Variants in OSBPL3 observed in about 807,000 individuals in gnomAD.
The protein encoded by OSBPL3 is oxysterol-binding protein-related protein 3.
Under a neutral mutation model 120.1 loss-of-function variants are expected in OSBPL3, and 65 were observed. The ratio of observed to expected loss-of-function variants is 0.54; its 90% confidence interval spans 0.44 to 0.67. The LOEUF (loss-of-function observed/expected upper bound fraction) is 0.67. Ranked by LOEUF, OSBPL3 falls within the 30% of genes least tolerant of loss-of-function variation. The pLI, the probability that OSBPL3 is intolerant of heterozygous loss-of-function variation, is 0.00. For synonymous variants in OSBPL3, 416 were observed against 402.6 expected (o/e 1.03, Z -0.40); for missense variants, 1,004 against 1,082.1 (o/e 0.93, Z 1.01).
At chr7:24,807,419 G>A (rs1029792286) in intron 20 of OSBPL3, among the ~76,000 whole-genome samples, 6 of 152,080 alleles carry the variant, frequency 3.9e-5, no homozygotes, top group African/African-American at 1.4e-4. Flanking sequence ...CTTGAACCTG[G>A]GAGGCGGAGG....
chr7:24,806,727 G>A lies in OSBPL3; in HGVS notation c.2444+49C>T, dbSNP rs1193727339. The A allele has an allele frequency of 3.2e-6, 5 of 1,573,632 alleles. No homozygotes were observed. Among genetic ancestry groups the A allele is most frequent in the South Asian group, 2.3e-5 (2 of 85,672 alleles). ...CTAAGGATTGTTAATAAGACTTTTT[G>A]TAAAGGGTTTTACATCTCTGGAGAG... is the stretch of plus-strand genomic sequence containing the variant. On this transcript the variant is annotated intron_variant, in intron 21 of 22. Coordinates refer to ENST00000313367, the MANE Select transcript of OSBPL3 (RefSeq NM_015550.4). This position sits in a 1 kb window ranked among gnomAD's most constrained non-coding sequence, Gnocchi z 5.2.
intron 1 of OSBPL3, among the ~76,000 whole-genome samples, chr7:24,928,546 G>C (rs907739596): frequency 6.6e-6 from 1 of 152,140 alleles, no homozygotes; most frequent in African/African-American, 2.4e-5. Context: ...AGCAGTAAGA[G>C]AATACAGCAC....
intron 1 of OSBPL3, among the ~76,000 whole-genome samples, chr7:24,957,712 T>C (rs1584732857): frequency 6.6e-6 from 1 of 152,156 alleles, no homozygotes; most frequent in East Asian, 1.9e-4. Context: ...ACTTGGTTAC[T>C]GTGAGAACAG....
At chr7:24,960,998 T>C (rs1346999638) in intron 1 of OSBPL3, among the ~76,000 whole-genome samples, 3 of 152,222 alleles carry the variant, frequency 2.0e-5, no homozygotes, top group African/African-American at 7.2e-5. Context: ...GCAAGGGATA[T>C]GAATAATTAA....
chr7:24,907,757 C>A (rs573320965), intron 1 of OSBPL3, among the ~76,000 whole-genome samples: 6 of 152,198 alleles, frequency 3.9e-5, no homozygotes, highest in Non-Finnish European at 7.4e-5. Flanking sequence ...ACTCTGCTTT[C>A]CTTTTGCGCT....
At position 24,916,782 on chromosome 7, in the gene OSBPL3, T is replaced by C. The variant is rs1809603266; in HGVS notation, c.-149-24161A>G. ...ATAAGAAAAAAACGTGGTGCTTGGG[T>C]ATTTTCACTAGAGATGTAAATGGAA... On this transcript the variant is annotated intron_variant, in intron 1 of 22. Transcript: ENST00000313367. This position sits in a 1 kb window ranked among gnomAD's most constrained non-coding sequence, Gnocchi z 4.9. Among the ~76,000 whole-genome samples the C allele has an allele frequency of 6.6e-6, 1 of 152,130 alleles. No homozygotes were observed. The highest frequency in any genetic ancestry group is 6.6e-5 in the Admixed American group (1 of 15,264).
chr7:24,925,659 AT>A (rs1296106782), intron 1 of OSBPL3, among the ~76,000 whole-genome samples: 1 of 152,206 alleles, frequency 6.6e-6, no homozygotes. Context: ...AGCAGTTCCT[AT>A]TTTGATTGGA....
intron 5 of OSBPL3, among the ~76,000 whole-genome samples, chr7:24,868,115 G>A (rs1339003638): frequency 2.6e-5 from 4 of 152,074 alleles, no homozygotes; most frequent in Non-Finnish European, 4.4e-5. Flanking sequence ...TCAGGAGATC[G>A]AGACTGTCCT....
Position 24,817,607 on chromosome 7 carries a change from T to G in OSBPL3, c.1949-919A>C, listed in dbSNP as rs563888140. On this transcript the variant is annotated intron_variant, in intron 17 of 22. Transcript: ENST00000313367. The surrounding 1 kb of genome is among the most constrained non-coding windows in gnomAD (Gnocchi z 4.0). ...AGTGGAAATAATCAGGCCACTGATG[T>G]GATTAGACATGGACCTTGCAAAGGC... is the stretch of plus-strand genomic sequence containing the variant. Among the ~76,000 whole-genome samples the G allele has an allele frequency of 4.6e-5, 7 of 152,198 alleles. No homozygotes were observed. In the East Asian group the frequency reaches 1.2e-3, roughly 25 times the overall value.
intron 15 of OSBPL3, among the ~76,000 whole-genome samples, chr7:24,832,458 C>T (rs528360527): frequency 2.8e-5 from 4 of 141,928 alleles, no homozygotes; most frequent in South Asian, 2.2e-4. Context: ...TGCAGTGAGC[C>T]GAGATTGTGC....
intron 1 of OSBPL3, among the ~76,000 whole-genome samples, chr7:24,905,632 C>T (rs1484008570): frequency 6.6e-6 from 1 of 152,184 alleles, no homozygotes; most frequent in African/African-American, 2.4e-5. Context: ...CATTCTGACA[C>T]GCGTCCAGGG....
Position 24,899,670 on chromosome 7 carries a change from T to A in OSBPL3, c.-149-7049A>T, listed in dbSNP as rs573002159. Among the ~76,000 whole-genome samples the A allele has an allele frequency of 6.6e-6, 1 of 152,244 alleles. No individual in the cohort carries two copies. The highest frequency in any genetic ancestry group is 2.4e-5 in the African/African-American group (1 of 41,524). On this transcript the variant is annotated intron_variant, in intron 1 of 22. Transcript: ENST00000313367. The surrounding 1 kb of genome is among the most constrained non-coding windows in gnomAD (Gnocchi z 4.0). ...GAGAAGAGCACCAAGGGCATGGAGG[T>A]CTCTGCAGCCTGACATTAATTTGTC...
At chr7:24,880,808 A>G (rs1333185635) in intron 2 of OSBPL3, among the ~76,000 whole-genome samples, 1 of 152,174 alleles carries the variant, frequency 6.6e-6, no homozygotes, top group Non-Finnish European at 1.5e-5. Flanking sequence ...AAACTCCAAA[A>G]CAGGCTCCTG....
At position 24,800,173 on chromosome 7, in the gene OSBPL3, C is replaced by G. The variant is rs752111860; in HGVS notation, c.*10G>C. The G allele has an allele frequency of 1.3e-6, 2 of 1,497,124 alleles. No homozygotes were observed. Among genetic ancestry groups the G allele is most frequent in the Non-Finnish European group, 1.9e-6 (2 of 1,073,828 alleles). The allele number at this position is 1,497,124 out of a possible 1,614,324, so 92.7% of individuals were successfully genotyped here. A position where few individuals can be genotyped will look rare whatever the true frequency, so the allele number is the denominator to read the frequency against. ...GAAATACACTAATGTTATCTTTCTTCTTTACTTTTTCACCATAAGACAGGA... is the reference window on the plus strand; with the variant it reads ...GAAATACACTAATGTTATCTTTCTTGTTTACTTTTTCACCATAAGACAGGA... On this transcript the variant is annotated 3_prime_UTR_variant, in exon 23 of 23. Transcript: ENST00000313367.
chr7:24,834,295 C>G lies in OSBPL3; in HGVS notation c.1746+191G>C. On this transcript the variant is annotated intron_variant, in intron 15 of 22. Transcript: ENST00000313367. The surrounding 1 kb of genome is among the most constrained non-coding windows in gnomAD (Gnocchi z 5.2). ...ACGGAGAAGCACCCCAACCCCGTCT[C>G]CAAATCCTCACAAGGTGACTGGAAA... 1 of 1,433,234 alleles carries G rather than the reference C, an allele frequency of 7.0e-7. No individual in the cohort carries two copies. Among genetic ancestry groups the G allele is most frequent in the East Asian group, 2.6e-5 (1 of 38,680 alleles). The allele number at this position is 1,433,234 out of a possible 1,614,324, so 88.8% of individuals were successfully genotyped here.
At position 24,872,042 on chromosome 7, in the gene OSBPL3, T is replaced by C. The variant is rs1338596749; in HGVS notation, c.124A>G (p.Arg42Gly). 2 of 1,613,366 alleles carry C rather than the reference T, an allele frequency of 1.2e-6. No individual in the cohort carries two copies. The highest frequency in any genetic ancestry group is 8.5e-7 in the Non-Finnish European group (1 of 1,179,360). The change falls in exon 3 of 23, where the codon AGG becomes GGG. Residue 42 changes from arginine (R) to glycine (G), a missense_variant. Physicochemically the swap from Arg to Gly is moderately radical, Grantham distance 125. This residue lies in a region of OSBPL3 where 255 missense variants were observed against 248.7 expected (regional missense o/e 1.03). Transcript: ENST00000313367. This position sits in a 1 kb window ranked among gnomAD's most constrained non-coding sequence, Gnocchi z 4.1. Reference sequence around the variant, plus strand: ...TCCTGGGTGTAATTCATCTCCCCCCTCAGTCCTTCCACCACTTCCCAGCTG... The same window carrying C: ...TCCTGGGTGTAATTCATCTCCCCCCCCAGTCCTTCCACCACTTCCCAGCTG... ...QDSWEVVEGL[R>G]GEMNYTQEPP...
chr7:24,918,478 C>T lies in OSBPL3; in HGVS notation c.-149-25857G>A, dbSNP rs1360436390. Reference sequence around the variant, plus strand: ...ACTCGAGAGAGTTAAAACACTAAGTCAGCTGGATAAACTACTCATGAAAAT... The same window carrying T: ...ACTCGAGAGAGTTAAAACACTAAGTTAGCTGGATAAACTACTCATGAAAAT... On this transcript the variant is annotated intron_variant, in intron 1 of 22. Transcript: ENST00000313367. The surrounding 1 kb of genome is among the most constrained non-coding windows in gnomAD (Gnocchi z 4.3). Among the ~76,000 whole-genome samples, 2 of 152,192 alleles carry T rather than the reference C, an allele frequency of 1.3e-5. No individual in the cohort carries two copies. The highest frequency in any genetic ancestry group is 3.8e-4 in the East Asian group (2 of 5,204).
intron 10 of OSBPL3, among the ~76,000 whole-genome samples, chr7:24,856,661 C>T (rs1172468009): frequency 1.3e-5 from 2 of 152,196 alleles, no homozygotes; most frequent in Non-Finnish European, 2.9e-5. Context: ...GTTTCTACAT[C>T]TGTACATGTA....
At position 24,912,673 on chromosome 7, in the gene OSBPL3, CTGA is replaced by C. The variant is rs1808989838; in HGVS notation, c.-149-20055_-149-20053del. ...AGGCTTATTTATGGCTTAGAGCAAG[CTGA>C]TGCCAGTTCTGATTCATCATTACTG... On this transcript the variant is annotated intron_variant, in intron 1 of 22. Transcript: ENST00000313367. The surrounding 1 kb of genome is among the most constrained non-coding windows in gnomAD (Gnocchi z 4.5). Among the ~76,000 whole-genome samples the C allele has an allele frequency of 6.6e-6, 1 of 152,208 alleles. No individual in the cohort carries two copies. The highest frequency in any genetic ancestry group is 1.5e-5 in the Non-Finnish European group (1 of 68,042).
Sources: gnomAD v4.1 joint callset for allele counts (sites outside exome capture counted in the v4.1 genomes callset) on GRCh38, gnomAD v4.1.1 for gene constraint, gnomAD v4.1.1 regional missense constraint, Gnocchi (gnomAD v3.1) non-coding constraint, MANE v1.5 for transcripts, NCBI Gene and HGNC (gene_info 2026-07-23, HGNC 2026-07-21) for gene names.